ANK1: variants seen among roughly 807,000 people sequenced by gnomAD.
The protein encoded by ANK1 is ankyrin-1.
In ANK1, 51 loss-of-function variants were observed where a neutral mutation model predicts 210.4. The observed-to-expected ratio is 0.24, with a 90% CI of 0.19 to 0.31. The LOEUF (loss-of-function observed/expected upper bound fraction) is 0.31. Among genes scored for constraint, ANK1 ranks in the 10% least tolerant of loss-of-function variants. ANK1 has a pLI of 1.00. For missense variants in ANK1, 2,051 were observed against 2,504.4 expected, an observed-to-expected ratio of 0.82 and a Z score of 3.86; for synonymous variants, 967 against 1,025.9, an observed-to-expected ratio of 0.94 and a Z score of 1.10.
At position 41,692,690 on chromosome 8, in the gene ANK1, C is replaced by T. The variant is rs374155078; in HGVS notation, c.3816G>A (p.Gln1272=). The T allele has an allele frequency of 1.2e-6, 2 of 1,613,944 alleles. No individual in the cohort carries two copies. Among genetic ancestry groups the T allele is most frequent in the African/African-American group, 2.7e-5 (2 of 74,916 alleles). Residue 1272 remains glutamine, a synonymous_variant, in exon 31 of 43, where the codon CAG becomes CAA. Coordinates refer to ENST00000289734, the MANE Select transcript of ANK1 (RefSeq NM_000037.4). The stretch of plus-strand genomic sequence containing the variant: ...GGGCCACCTCCACGAAGTTCTCATG[C>T]TGCTCCAGGGTCTTGTCCACTTTAT... The part of the protein sequence containing the change: ...TDDKVDKTLE[Q]HENFVEVARS...
In ANK1 at chr8:41,802,969, G is replaced by A. The variant is rs1391780990; in HGVS notation, c.127-44832C>T. ...AGAAAGGGGGGGGGGGAGAGAGAGA[G>A]AGATGAAAAAAGAAAGAGAGAAAGA... On this transcript the variant is annotated intron_variant, in intron 1 of 42. Coordinates refer to the ANK1 transcript ENST00000265709. Among the ~76,000 whole-genome samples the A allele has an allele frequency of 1.1e-4, 11 of 102,920 alleles. 2 individuals are homozygous for A. Among genetic ancestry groups the A allele is most frequent in the Non-Finnish European group, 1.9e-4 (9 of 47,696 alleles). 67.5% of individuals were successfully genotyped at this position (102,920 alleles called of 152,430 possible).
intron 6 of ANK1, 136 bp from the exon 7 acceptor site, chr8:41,724,690 T>C (rs1830221031): frequency 1.2e-6 from 1 of 816,420 alleles, no homozygotes; most frequent in African/African-American, 1.7e-5. Flanking sequence ...TGGGAACATT[T>C]GGTGAGGGGG....
intron 2 of ANK1, among the ~76,000 whole-genome samples, chr8:41,742,840 C>T (rs911320459): frequency 1.3e-5 from 2 of 152,184 alleles, no homozygotes; most frequent in African/African-American, 4.8e-5. Context: ...TACCTTTACC[C>T]ATGCAGGCAG....
intron 1 of ANK1, among the ~76,000 whole-genome samples, chr8:41,847,110 C>A (rs952588011): frequency 6.6e-6 from 1 of 152,298 alleles, no homozygotes; most frequent in African/African-American, 2.4e-5. Context: ...CTCAGAACCC[C>A]GACAGCAAAT....
At chr8:41,839,755 C>A (rs1022251067) in intron 1 of ANK1, among the ~76,000 whole-genome samples, 3 of 152,164 alleles carry the variant, frequency 2.0e-5, no homozygotes, top group South Asian at 4.1e-4. Flanking sequence ...GACACCGTCA[C>A]AGCCAAAAGG....
At chr8:41,824,382 T>C (rs1305122072) in intron 1 of ANK1, among the ~76,000 whole-genome samples, 1 of 152,200 alleles carries the variant, frequency 6.6e-6, no homozygotes, top group Non-Finnish European at 1.5e-5. Context: ...GTGCCATGAG[T>C]AATCATAACA....
chr8:41,796,731 A>T (rs1848802906), intron 1 of ANK1, among the ~76,000 whole-genome samples: 1 of 151,526 alleles, frequency 6.6e-6, no homozygotes, highest in South Asian at 2.1e-4. Context: ...GTGTGGCCTG[A>T]TGTCCAACTC....
intron 1 of ANK1, among the ~76,000 whole-genome samples, chr8:41,787,510 T>C (rs191370788): frequency 2.6e-4 from 39 of 152,252 alleles, no homozygotes; most frequent in Middle Eastern, 3.4e-3. Context: ...AAACGTGTGG[T>C]ATCATATGAC....
intron 22 of ANK1, among the ~76,000 whole-genome samples, chr8:41,701,308 T>C (rs561813044): frequency 6.6e-6 from 1 of 152,272 alleles, no homozygotes; most frequent in Non-Finnish European, 1.5e-5. Context: ...AACATACATG[T>C]GTTTTTGAAA....
chr8:41,715,802 G>A lies in ANK1; in HGVS notation c.1452C>T (p.Asn484=). 1.2e-6 allele frequency: 2 copies of A among 1,614,254 alleles called. No individual in the cohort carries two copies. The highest frequency in any genetic ancestry group is 8.5e-7 in the Non-Finnish European group (1 of 1,180,042). ...TATTTTCCAGCAGGAGCTTCACCAT[G>A]TTTGTGTGGCCGATGCGAGCTGCAC... ...LHCAARIGHT[N]MVKLLLENNA... The change falls in exon 14 of 43, where the codon AAC becomes AAT. Residue 484 remains asparagine, a synonymous_variant. Transcript: ENST00000289734.
At chr8:41,661,319 T>C in intron 42 of ANK1, 111 bp downstream of exon 42, 1 of 1,466,974 alleles carries the variant, frequency 6.8e-7, no homozygotes, top group Non-Finnish European at 9.2e-7. Flanking sequence ...CAACAACAAG[T>C]TGTTTGTCCC....
At chr8:41,713,888 G>A (rs1826863029) in intron 16 of ANK1, among the ~76,000 whole-genome samples, 1 of 152,196 alleles carries the variant, frequency 6.6e-6, no homozygotes, top group African/African-American at 2.4e-5. Context: ...ACTGCTTGGG[G>A]ACACATTTGT....
intron 37 of ANK1, among the ~76,000 whole-genome samples, chr8:41,679,988 A>G (rs1815454058): frequency 6.6e-6 from 1 of 152,046 alleles, no homozygotes; most frequent in African/African-American, 2.4e-5. Flanking sequence ...TGTCTCATAT[A>G]GTGTGTCCAT....
chr8:41,802,166 T>A (rs553284427), upstream of ANK1, among the ~76,000 whole-genome samples: 63 of 152,180 alleles, frequency 4.1e-4, no homozygotes, highest in Non-Finnish European at 8.1e-4. Flanking sequence ...ATGTTTGTAT[T>A]TTTAGTAGAG....
chr8:41,792,804 T>G (rs1848011992), intron 1 of ANK1, among the ~76,000 whole-genome samples: 1 of 152,196 alleles, frequency 6.6e-6, no homozygotes, highest in East Asian at 1.9e-4. Context: ...CCTAGAGCAA[T>G]AATTTTCAAT....
chr8:41,742,120 T>C (rs939779111), intron 2 of ANK1, among the ~76,000 whole-genome samples: 1 of 152,246 alleles, frequency 6.6e-6, no homozygotes, highest in Non-Finnish European at 1.5e-5. Context: ...TTCAGCCTGA[T>C]TAATTCAATG....
intron 37 of ANK1, among the ~76,000 whole-genome samples, chr8:41,680,470 G>T (rs1815623341): frequency 6.6e-6 from 1 of 151,760 alleles, no homozygotes. Flanking sequence ...GGCTGAGGCA[G>T]GAGAATCACT....
At chr8:41,710,189 C>CA (rs1825757774) in intron 16 of ANK1, among the ~76,000 whole-genome samples, 2 of 152,198 alleles carry the variant, frequency 1.3e-5, no homozygotes, top group African/African-American at 4.8e-5. Flanking sequence ...AGACAGTTCC[C>CA]AGGTGGGCAC....
At chr8:41,863,784 G>C (rs368708199) in intron 1 of ANK1, among the ~76,000 whole-genome samples, 1 of 152,172 alleles carries the variant, frequency 6.6e-6, no homozygotes, top group African/African-American at 2.4e-5. Context: ...TGCTGGGGCC[G>C]GGAACAGAGG....
Sources: gnomAD v4.1 joint callset for allele counts (sites outside exome capture counted in the v4.1 genomes callset) on GRCh38, gnomAD v4.1.1 for gene constraint, MANE v1.5 for transcripts, NCBI Gene and HGNC (gene_info 2026-07-23, HGNC 2026-07-21) for gene names.